PRKAG1: variants seen among roughly 807,000 people sequenced by gnomAD.
PRKAG1 encodes 5'-AMP-activated protein kinase subunit gamma-1.
Under a neutral mutation model 48.2 loss-of-function variants are expected in PRKAG1, and 27 were observed. The ratio of observed to expected loss-of-function variants is 0.56; its 90% confidence interval spans 0.41 to 0.77. The LOEUF is 0.77. Ranked by LOEUF, PRKAG1 falls within the 30% of genes least tolerant of loss-of-function variation. PRKAG1 has a pLI of 0.00. For synonymous variants in PRKAG1, 130 were observed against 147.7 expected (o/e 0.88, Z 0.87); for missense variants, 287 against 398.3 (o/e 0.72, Z 2.38).
chr12:49,010,159 G>A (rs1304027544), intron 2 of PRKAG1, among the ~76,000 whole-genome samples: 1 of 152,026 alleles, frequency 6.6e-6, no homozygotes, highest in Non-Finnish European at 1.5e-5. Flanking sequence ...TGGGGTGGGG[G>A]GCAGTTTGGA....
At chr12:49,017,881 C>T (rs1001245621) in intron 1 of PRKAG1, 1 of 152,214 alleles carries the variant, frequency 6.6e-6, no homozygotes, top group Non-Finnish European at 1.5e-5. Context: ...CCTTTCGTAA[C>T]TACAGTAGCA....
rs1941514138 is a variant in PRKAG1, at chr12:49,005,817, AG to A, written c.93del (p.Phe32SerfsTer2). On this transcript the variant is annotated frameshift_variant, in exon 3 of 12. Transcript: ENST00000548065. LOFTEE classifies it high-confidence loss of function. This position sits in a 1 kb window ranked among gnomAD's most constrained non-coding sequence, Gnocchi z 4.1. Reference sequence around the variant, plus strand: ...TCATAGCAGCGATGAGACTTCATGAAGGAAGTATACACGCTATTGTTGGATT... The same window carrying A: ...TCATAGCAGCGATGAGACTTCATGAAGAAGTATACACGCTATTGTTGGATT... ...TPESNNSVYT[S>X]FMKSHRCYDL... The A allele has an allele frequency of 6.2e-7, 1 of 1,613,492 alleles. No individual in the cohort carries two copies. The highest frequency in any genetic ancestry group is 1.3e-5 in the African/African-American group (1 of 74,922).
At position 49,003,598 on chromosome 12, in the gene PRKAG1, A is replaced by AG; in HGVS notation, c.704-4dup. On this transcript the variant is annotated splice_region_variant and splice_polypyrimidine_tract_variant and intron_variant, in intron 9 of 11. Transcript: ENST00000548065. ...GGAGTAGATGTCCACCACACGCCCT[A>AG]GGGGGACAGAGGCAGCTCAGTAAGG... 1 of 1,611,174 alleles carries AG rather than the reference A, an allele frequency of 6.2e-7. No individual in the cohort carries two copies. The highest frequency in any genetic ancestry group is 2.2e-5 in the East Asian group (1 of 44,772).
At chr12:49,012,971 T>C (rs2137676927) in intron 2 of PRKAG1, 91 bp downstream of exon 2, 1 of 1,346,114 alleles carries the variant, frequency 7.4e-7, no homozygotes, top group Non-Finnish European at 1.1e-6. Flanking sequence ...CTTTGATTTT[T>C]CCAGGGGAGA....
In PRKAG1 at chr12:49,005,077, C is replaced by G; in HGVS notation, c.355+43G>C. On this transcript the variant is annotated intron_variant, in intron 6 of 11. Transcript: ENST00000548065. This position sits in a 1 kb window ranked among gnomAD's most constrained non-coding sequence, Gnocchi z 4.1. ...CCATGGAAAAGTGTTTCCCAGAAAC[C>G]CGCCATCCCTTTATCCTTTTATAAC... 6.2e-7 allele frequency: 1 copy of G among 1,613,060 alleles called. No homozygotes were observed. Among genetic ancestry groups the G allele is most frequent in the Non-Finnish European group, 8.5e-7 (1 of 1,179,260 alleles).
Position 49,005,554 on chromosome 12 carries a change from G to C in PRKAG1, c.169-11C>G, listed in dbSNP as rs760462014. 4 of 1,614,132 alleles carry C rather than the reference G, an allele frequency of 2.5e-6. No individual in the cohort carries two copies. Among genetic ancestry groups the C allele is most frequent in the Non-Finnish European group, 2.5e-6 (3 of 1,180,028 alleles). ...AAAAGCTTTCTTCACCTGTAGCCAA[G>C]ACAGTAATAATCATAAAGGCAAATC... is the stretch of plus-strand genomic sequence containing the variant. On this transcript the variant is annotated splice_polypyrimidine_tract_variant and intron_variant, in intron 3 of 11. Transcript: ENST00000548065. This position sits in a 1 kb window ranked among gnomAD's most constrained non-coding sequence, Gnocchi z 4.1.
At chr12:49,015,684 T>C (rs1382448807) in intron 1 of PRKAG1, among the ~76,000 whole-genome samples, 1 of 152,138 alleles carries the variant, frequency 6.6e-6, no homozygotes, top group African/African-American at 2.4e-5. Flanking sequence ...GCGATTCTCC[T>C]GCCTCAGCCT....
Position 49,004,878 on chromosome 12 carries a change from C to G in PRKAG1, c.410+86G>C, listed in dbSNP as rs186612936. The G allele has an allele frequency of 3.0e-6, 4 of 1,319,942 alleles. No individual in the cohort carries two copies. The African/African-American group carries it at 5.9e-5, about 20-fold the overall frequency. 81.8% of individuals were successfully genotyped at this position (1,319,942 alleles called of 1,614,324 possible). On this transcript the variant is annotated intron_variant, in intron 7 of 11. Coordinates refer to ENST00000548065, the MANE Select transcript of PRKAG1 (RefSeq NM_002733.5). ...GTGTGTGTGTCTTTTCTCTCTTCTT[C>G]CCCTTTCCCTGGGTGTCTAGGGCAT...
chr12:49,016,615 C>A (rs1293566470), intron 1 of PRKAG1: 2 of 153,514 alleles, frequency 1.3e-5, no homozygotes, highest in Non-Finnish European at 2.9e-5. Flanking sequence ...ACCTCTGCAA[C>A]GTTGTTTAAA....
intron 2 of PRKAG1, chr12:49,009,299 T>A (rs1941669092): frequency 6.6e-6 from 1 of 151,994 alleles, no homozygotes; most frequent in Non-Finnish European, 1.5e-5. Context: ...TAATTTTTAT[T>A]TTTTTGTAGA....
rs775913447 is a variant in PRKAG1, at chr12:49,003,512, C to CG, written c.741+45_741+46insC. The CG allele has an allele frequency of 6.3e-6, 10 of 1,587,666 alleles. No individual in the cohort carries two copies. The Admixed American group carries it at 1.0e-4, about 16-fold the overall frequency. On this transcript the variant is annotated intron_variant, in intron 10 of 11. Transcript: ENST00000548065. The stretch of plus-strand genomic sequence containing the variant: ...TCCCTCTCCATATTTAACAGTGCCC[C>CG]CCCCCCACCACTTCCCTACCTCCCA...
At chr12:49,007,964 A>G (rs763004312) in intron 2 of PRKAG1, among the ~76,000 whole-genome samples, 4 of 150,970 alleles carry the variant, frequency 2.6e-5, no homozygotes, top group Non-Finnish European at 4.4e-5. Flanking sequence ...GGTTCAAGCG[A>G]TTCTCCTGCC....
chr12:49,003,509 C>CT, intron 10 of PRKAG1, 49 bp downstream of exon 10: 1 of 1,060,324 alleles, frequency 9.4e-7, no homozygotes, highest in Non-Finnish European at 1.3e-6. Context: ...TTTAACAGTG[C>CT]CCCCCCCCCA....
Position 49,005,833 on chromosome 12 carries a change from A to G in PRKAG1, c.78T>C (p.Asn26=), listed in dbSNP as rs776381191. 4 of 1,608,624 alleles carry G rather than the reference A, an allele frequency of 2.5e-6. No homozygotes were observed. Among genetic ancestry groups the G allele is most frequent in the Admixed American group, 3.4e-5 (2 of 59,308 alleles). ...ACTTCATGAAGGAAGTATACACGCT[A>G]TTGTTGGATTCTGGGGTCTCTGCAT... ...EHPQETPESN[N]SVYTSFMKSH... Residue 26 remains asparagine (N), a synonymous_variant, in exon 3 of 12, where the codon AAT becomes AAC. Coordinates refer to ENST00000548065, the MANE Select transcript of PRKAG1 (RefSeq NM_002733.5). The surrounding 1 kb of genome is among the most constrained non-coding windows in gnomAD (Gnocchi z 4.1).
At chr12:49,017,588 A>G (rs913185744) in intron 1 of PRKAG1, 2 of 168,674 alleles carry the variant, frequency 1.2e-5, no homozygotes, top group African/African-American at 4.8e-5. Flanking sequence ...TAAATTAGAA[A>G]ATCTATATAA....
chr12:49,007,274 G>A (rs1941579893), intron 2 of PRKAG1, among the ~76,000 whole-genome samples: 1 of 143,396 alleles, frequency 7.0e-6, no homozygotes, highest in Non-Finnish European at 1.5e-5. Flanking sequence ...GCGACAGAGT[G>A]AGACTCCGTC....
chr12:49,010,546 C>G (rs947275696), intron 2 of PRKAG1, among the ~76,000 whole-genome samples: 6 of 152,170 alleles, frequency 3.9e-5, no homozygotes, highest in Admixed American at 1.3e-4. Context: ...TGCCAGATTT[C>G]CAGTCTCTGC....
chr12:49,012,823 T>G (rs1236257038), intron 2 of PRKAG1: 5 of 501,772 alleles, frequency 1.0e-5, no homozygotes. Flanking sequence ...AAGTTTTGCC[T>G]GTACCTCAGA....
intron 11 of PRKAG1, 35 bp downstream of exon 11, chr12:49,003,109 C>T (rs771712118): frequency 6.2e-7 from 1 of 1,613,828 alleles, no homozygotes; most frequent in Non-Finnish European, 8.5e-7. Flanking sequence ...CAAGGCTGCT[C>T]CCCTCAGCTC....
Sources: allele counts gnomAD v4.1 joint callset (sites outside exome capture counted in the v4.1 genomes callset), GRCh38; gene constraint gnomAD v4.1.1; non-coding constraint Gnocchi (gnomAD v3.1); transcripts MANE v1.5; gene names NCBI Gene and HGNC (gene_info 2026-07-23, HGNC 2026-07-21).